Variants in RAPGEF4 observed in about 807,000 individuals in gnomAD.
RAPGEF4 encodes the protein Rap guanine nucleotide exchange factor 4.
A neutral mutation model predicts 147.9 loss-of-function variants in RAPGEF4; 66 were observed. The ratio of observed to expected loss-of-function variants is 0.45; its 90% CI spans 0.37 to 0.55. The LOEUF (loss-of-function observed/expected upper bound fraction) is 0.55. RAPGEF4 is among the 20% of genes least tolerant of loss of function. The pLI is 0.00. For synonymous variants in RAPGEF4, 419 were observed against 442.7 expected, an observed-to-expected ratio of 0.95 and a Z score of 0.67; for missense variants, 1,071 against 1,257.3, an observed-to-expected ratio of 0.85 and a Z score of 2.24.
chr2:172,879,360 A>T (rs376220606), intron 4 of RAPGEF4, among the ~76,000 whole-genome samples: 14 of 152,224 alleles, frequency 9.2e-5, no homozygotes, highest in African/African-American at 2.4e-4. Flanking sequence ...ACCTAAAGCC[A>T]TAGCTTTGTA....
chr2:173,051,636 A>G lies in RAPGEF4; in HGVS notation c.2909-4A>G, dbSNP rs371797438. The G allele has an allele frequency of 1.4e-5, 22 of 1,613,282 alleles. No homozygotes were observed. The African/African-American group carries it at 2.7e-4, about 20-fold the overall frequency. On this transcript the variant is annotated splice_polypyrimidine_tract_variant and splice_region_variant and intron_variant, in intron 30 of 30. Coordinates refer to ENST00000397081, the MANE Select transcript of RAPGEF4 (RefSeq NM_007023.4). Reference sequence around the variant, plus strand: ...GCCAATTCTGCCCTTTCCTCTTTCAACAGATCCTGATGCAGCTCAAGCTAA... The same window carrying G: ...GCCAATTCTGCCCTTTCCTCTTTCAGCAGATCCTGATGCAGCTCAAGCTAA...
chr2:172,887,867 A>T (rs1244935643), intron 4 of RAPGEF4, among the ~76,000 whole-genome samples: 2 of 152,142 alleles, frequency 1.3e-5, no homozygotes, highest in East Asian at 3.9e-4. Flanking sequence ...TGGTTTTTTC[A>T]TCTTCTTTGT....
At position 172,983,516 on chromosome 2, in the gene RAPGEF4, A is replaced by G; in HGVS notation, c.1025A>G (p.Asp342Gly). ...TGTAGACCTGGCCAGAGGACTGTGG[A>G]TGACCTAGAGATTATCTATGAGGAG... ...LRKPPGQRTV[D>G]DLEIIYEELL... Residue 342 changes from aspartate (D) to glycine (G), a missense_variant, in exon 11 of 31, where the codon GAT (aspartate) becomes GGT (glycine). By Grantham distance (94) the Asp-to-Gly change is moderately conservative. Coordinates refer to ENST00000397081, the MANE Select transcript of RAPGEF4 (RefSeq NM_007023.4). 1 of 1,610,342 alleles carries G rather than the reference A, an allele frequency of 6.2e-7. No individual in the cohort carries two copies. Among genetic ancestry groups the G allele is most frequent in the Non-Finnish European group, 8.5e-7 (1 of 1,179,406 alleles).
chr2:172,758,587 T>C (rs1037127780), intron 1 of RAPGEF4, among the ~76,000 whole-genome samples: 5 of 152,058 alleles, frequency 3.3e-5, no homozygotes, highest in Non-Finnish European at 5.9e-5. Flanking sequence ...TGAGAAGCAG[T>C]AGGATACATT....
intron 1 of RAPGEF4, among the ~76,000 whole-genome samples, chr2:172,741,424 G>T (rs762830806): frequency 1.8e-4 from 28 of 152,166 alleles, no homozygotes; most frequent in Non-Finnish European, 3.7e-4. Flanking sequence ...ACCCAAAAAG[G>T]CCCTTGCACT....
chr2:173,048,253 C>G (rs1222465399), intron 29 of RAPGEF4: 1 of 221,912 alleles, frequency 4.5e-6, no homozygotes, highest in African/African-American at 2.3e-5. Flanking sequence ...AGGATAGTTA[C>G]AGATTCTCTT....
intron 4 of RAPGEF4, among the ~76,000 whole-genome samples, chr2:172,899,223 C>T (rs1000420033): frequency 3.3e-5 from 5 of 152,108 alleles, no homozygotes; most frequent in African/African-American, 9.7e-5. Context: ...GTAGAAAGGT[C>T]GTTTTTCTTC....
intron 1 of RAPGEF4, among the ~76,000 whole-genome samples, chr2:172,787,083 G>A (rs1415424763): frequency 1.3e-5 from 2 of 152,006 alleles, no homozygotes; most frequent in African/African-American, 4.8e-5. Flanking sequence ...GTGGTGGCAG[G>A]CACCTGTAAT....
chr2:172,749,176 C>G (rs1217601692), intron 1 of RAPGEF4, among the ~76,000 whole-genome samples: 2 of 152,072 alleles, frequency 1.3e-5, no homozygotes, highest in Non-Finnish European at 2.9e-5. Flanking sequence ...GACAGTGGTC[C>G]TCTTCTCACA....
chr2:173,039,179 CA>C (rs1684428382), intron 29 of RAPGEF4, among the ~76,000 whole-genome samples: 1 of 151,928 alleles, frequency 6.6e-6, no homozygotes, highest in South Asian at 2.1e-4. Flanking sequence ...TCAAGCAGGC[CA>C]GGTGTGGTGG....
chr2:172,770,423 C>T (rs1268400610), intron 1 of RAPGEF4, among the ~76,000 whole-genome samples: 2 of 152,148 alleles, frequency 1.3e-5, no homozygotes, highest in Non-Finnish European at 2.9e-5. Flanking sequence ...TAATACCTAC[C>T]TTTTAAGGCT....
At chr2:172,794,309 T>G (rs1686135181) in intron 1 of RAPGEF4, among the ~76,000 whole-genome samples, 1 of 140,742 alleles carries the variant, frequency 7.1e-6, no homozygotes, top group Non-Finnish European at 1.5e-5. Context: ...ATCATGCCAT[T>G]GCACTCCAGC....
Position 172,817,262 on chromosome 2 carries a change from T to C in RAPGEF4, c.444+2837T>C, listed in dbSNP as rs529528551. On this transcript the variant is annotated intron_variant, in intron 4 of 30. Coordinates refer to ENST00000397081, the MANE Select transcript of RAPGEF4 (RefSeq NM_007023.4). ...GCTCAGAGGAGACAGAAAATAAAAA[T>C]CATAGAATCTCAGAGCATAATATAT... is the stretch of plus-strand genomic sequence containing the variant. Among the ~76,000 whole-genome samples, 507 of 152,264 alleles carry C rather than the reference T, an allele frequency of 3.3e-3. 4 individuals carry two copies. The highest frequency in any genetic ancestry group is 5.4e-3 in the Non-Finnish European group (365 of 68,018).
chr2:173,030,297 A>G (rs1324238935), intron 26 of RAPGEF4, 43 bp downstream of exon 26: 1 of 1,447,878 alleles, frequency 6.9e-7, no homozygotes, highest in Non-Finnish European at 9.7e-7. Flanking sequence ...TGCCTTAGGA[A>G]TAAAAACACA....
intron 4 of RAPGEF4, among the ~76,000 whole-genome samples, chr2:172,872,516 GA>G (rs1695352979): frequency 6.6e-6 from 1 of 152,220 alleles, no homozygotes; most frequent in Non-Finnish European, 1.5e-5. Context: ...ATCTCATGTT[GA>G]ATTGTAATCC....
intron 17 of RAPGEF4, among the ~76,000 whole-genome samples, chr2:173,008,482 C>T (rs1425853181): frequency 2.0e-5 from 3 of 152,070 alleles, no homozygotes; most frequent in Non-Finnish European, 4.4e-5. Flanking sequence ...TTTGTCTTGT[C>T]AGTGGGCAGA....
intron 1 of RAPGEF4, among the ~76,000 whole-genome samples, chr2:172,738,018 A>G (rs1362027901): frequency 6.6e-6 from 1 of 152,236 alleles, no homozygotes; most frequent in Non-Finnish European, 1.5e-5. Flanking sequence ...CCAATGAGGA[A>G]CAGTTTAGGG....
At position 172,927,739 on chromosome 2, in the gene RAPGEF4, G is replaced by C. The variant is rs748592042; in HGVS notation, c.537+5439G>C. 2.2e-4 allele frequency among the ~76,000 whole-genome samples: 34 copies of C among 152,154 alleles called. 1 individual carries two copies. The highest frequency in any genetic ancestry group is 1.3e-4 in the Admixed American group (2 of 15,274). ...ACCAACTGAATTCAAACTGTTTTCT[G>C]TGGAACACAGTTTTTAAAACCCTGC... On this transcript the variant is annotated intron_variant, in intron 6 of 30. Transcript: ENST00000397081.
intron 1 of RAPGEF4, among the ~76,000 whole-genome samples, chr2:172,790,594 T>C (rs1685717105): frequency 1.3e-5 from 2 of 152,214 alleles, no homozygotes; most frequent in African/African-American, 2.4e-5. Context: ...TGATCTTGAC[T>C]GTCTCCCATC....
Sources: allele counts gnomAD v4.1 joint callset (sites outside exome capture counted in the v4.1 genomes callset), GRCh38; gene constraint gnomAD v4.1.1; transcripts MANE v1.5; gene names NCBI Gene and HGNC (gene_info 2026-07-23, HGNC 2026-07-21).